Variants in MATN2 observed in about 807,000 individuals in gnomAD.
MATN2 encodes the protein matrilin 2, also known as matrilin-2.
In MATN2, 69 loss-of-function variants were observed where a neutral mutation model predicts 103.2. The observed-to-expected ratio is 0.67, with a 90% CI of 0.55 to 0.82. The LOEUF is 0.82. Ranked by LOEUF, MATN2 falls within the 40% of genes least tolerant of loss-of-function variation. The pLI is 0.00. For synonymous variants in MATN2, 429 were observed against 450.2 expected, an observed-to-expected ratio of 0.95 and a Z score of 0.60; for missense variants, 1,023 against 1,211.5, an observed-to-expected ratio of 0.84 and a Z score of 2.31.
In MATN2 at chr8:98,007,193, C is replaced by T; in HGVS notation, c.1416C>T (p.Gly472=). The change falls in exon 9 of 19, where the codon GGC becomes GGT. Residue 472 remains glycine, a synonymous_variant. Transcript: ENST00000254898. This position sits in a 1 kb window ranked among gnomAD's most constrained non-coding sequence, Gnocchi z 4.2. The stretch of plus-strand genomic sequence containing the variant: ...CCTTCGTCTGCCAGTGCTCAGAAGG[C>T]TTCCTCATCAACGAGGACCTCAAGA... ...EDSFVCQCSE[G]FLINEDLKTC... 6.2e-7 allele frequency: 1 copy of T among 1,613,920 alleles called. No homozygotes were observed. The highest frequency in any genetic ancestry group is 2.2e-5 in the East Asian group (1 of 44,880).
intron 6 of MATN2, among the ~76,000 whole-genome samples, chr8:97,984,528 C>G (rs1354744160): frequency 6.6e-6 from 1 of 152,150 alleles, no homozygotes; most frequent in Non-Finnish European, 1.5e-5. Flanking sequence ...TGTCTGTAAC[C>G]ACAGGATGCT....
chr8:97,952,570 C>A (rs545136198), intron 4 of MATN2, among the ~76,000 whole-genome samples: 10 of 142,100 alleles, frequency 7.0e-5, no homozygotes, highest in Non-Finnish European at 1.2e-4. Flanking sequence ...AAGGCACTTA[C>A]ATCTAGGGTG....
intron 2 of MATN2, among the ~76,000 whole-genome samples, 160 bp downstream of exon 2, chr8:97,888,402 T>C (rs1048355443): frequency 2.6e-4 from 39 of 152,092 alleles, no homozygotes; most frequent in African/African-American, 8.9e-4. Flanking sequence ...GCATCCGGAG[T>C]TGAGCACGTG....
intron 2 of MATN2, among the ~76,000 whole-genome samples, chr8:97,914,537 CTT>C (rs370756107): frequency 1.4e-5 from 2 of 144,404 alleles, no homozygotes; most frequent in Non-Finnish European, 1.5e-5. Flanking sequence ...CACCCGGCTA[CTT>C]TTTTTTTTTT....
intron 5 of MATN2, among the ~76,000 whole-genome samples, chr8:97,967,910 A>G (rs1357846541): frequency 1.3e-5 from 2 of 152,218 alleles, no homozygotes; most frequent in African/African-American, 4.8e-5. Flanking sequence ...GAGTCTCTCT[A>G]TGAGGCTTCA....
intron 4 of MATN2, among the ~76,000 whole-genome samples, chr8:97,951,659 G>A (rs1334694737): frequency 6.6e-6 from 1 of 152,146 alleles, no homozygotes; most frequent in South Asian, 2.1e-4. Flanking sequence ...CCACTCAAAA[G>A]GGGGTTTATA....
intron 6 of MATN2, among the ~76,000 whole-genome samples, chr8:97,988,166 A>AT (rs1586127291): frequency 8.3e-5 from 5 of 60,546 alleles, no homozygotes; most frequent in Non-Finnish European, 1.5e-4. Flanking sequence ...AAAAAAAAAA[A>AT]AAAAAATATA....
At chr8:97,979,718 T>G (rs1443998543) in intron 6 of MATN2, among the ~76,000 whole-genome samples, 1 of 152,204 alleles carries the variant, frequency 6.6e-6, no homozygotes, top group Non-Finnish European at 1.5e-5. Flanking sequence ...AAAGCTTGCT[T>G]GTTAAGTATT....
At chr8:97,954,511 G>A (rs571339820) in intron 4 of MATN2, among the ~76,000 whole-genome samples, 51 of 152,286 alleles carry the variant, frequency 3.3e-4, no homozygotes, top group Non-Finnish European at 5.9e-4. Context: ...TACTCCCACC[G>A]TGGACATTTC....
intron 3 of MATN2, among the ~76,000 whole-genome samples, chr8:97,934,204 G>A (rs531832578): frequency 5.6e-4 from 85 of 152,322 alleles, no homozygotes; most frequent in Middle Eastern, 3.4e-3. Context: ...GGCAGCCTTC[G>A]TAGGAGGAAG....
Position 97,957,069 on chromosome 8 carries a change from G to A in MATN2, c.836-4339G>A, listed in dbSNP as rs144113130. Among the ~76,000 whole-genome samples the A allele has an allele frequency of 2.6e-5, 4 of 152,202 alleles. No individual in the cohort carries two copies. The South Asian group carries it at 6.2e-4, about 24-fold the overall frequency. On this transcript the variant is annotated intron_variant, in intron 4 of 18. Transcript: ENST00000254898. ...CTTCCAATACCATGGGATCAGTGCCGAAATGCTAGAGCGGAGCCATGTCTA... is the reference window on the plus strand; with the variant it reads ...CTTCCAATACCATGGGATCAGTGCCAAAATGCTAGAGCGGAGCCATGTCTA...
intron 1 of MATN2, among the ~76,000 whole-genome samples, chr8:97,886,704 A>G (rs1269362152): frequency 6.6e-6 from 1 of 152,140 alleles, no homozygotes; most frequent in Non-Finnish European, 1.5e-5. Flanking sequence ...TTTGCTGAAC[A>G]AACAGTTCGC....
intron 4 of MATN2, 93 bp downstream of exon 4, chr8:97,941,992 C>A (rs1045251100): frequency 2.8e-6 from 4 of 1,449,514 alleles, no homozygotes; most frequent in East Asian, 2.4e-5. Context: ...ATCTGTGATG[C>A]CTCACCCACC....
At chr8:97,975,042 C>T (rs552608323) in intron 5 of MATN2, among the ~76,000 whole-genome samples, 12 of 152,190 alleles carry the variant, frequency 7.9e-5, no homozygotes, top group Non-Finnish European at 1.3e-4. Flanking sequence ...GAATACATCT[C>T]AGTCAATGGA....
intron 6 of MATN2, among the ~76,000 whole-genome samples, chr8:97,987,132 C>T (rs1812223231): frequency 1.3e-5 from 2 of 152,082 alleles, no homozygotes; most frequent in African/African-American, 2.4e-5. Context: ...TGAGCCACCA[C>T]ACCTGGCCTA....
At chr8:97,978,084 T>C (rs1019579903) in intron 5 of MATN2, among the ~76,000 whole-genome samples, 15 of 152,244 alleles carry the variant, frequency 9.9e-5, no homozygotes, top group Non-Finnish European at 1.6e-4. Flanking sequence ...CCAGCATCAT[T>C]ATCCAAATAT....
chr8:97,896,468 G>A lies in MATN2; in HGVS notation c.142+8226G>A, dbSNP rs145801358. On this transcript the variant is annotated intron_variant, in intron 2 of 18. Transcript: ENST00000254898. ...GAAGTTTTGAGACACAGGGTGGTCA[G>A]TAGGATCAGGCAGGACAACAGGGAT... Among the ~76,000 whole-genome samples, 434 of 152,366 alleles carry A rather than the reference G, an allele frequency of 2.8e-3. 2 individuals carry two copies. The highest frequency in any genetic ancestry group is 0.02 in the Middle Eastern group (6 of 294).
chr8:97,985,806 C>A (rs2130329473), intron 6 of MATN2, among the ~76,000 whole-genome samples: 1 of 152,332 alleles, frequency 6.6e-6, no homozygotes, highest in Non-Finnish European at 1.5e-5. Context: ...TGAGCTCAAG[C>A]AGTCCTTCTG....
At chr8:97,898,245 C>T (rs1818876782) in intron 2 of MATN2, among the ~76,000 whole-genome samples, 1 of 152,082 alleles carries the variant, frequency 6.6e-6, no homozygotes, top group Non-Finnish European at 1.5e-5. Flanking sequence ...CAACCTTACC[C>T]CTAAGGAGCC....
Sources: gnomAD v4.1 joint callset for allele counts (sites outside exome capture counted in the v4.1 genomes callset) on GRCh38, gnomAD v4.1.1 for gene constraint, Gnocchi (gnomAD v3.1) non-coding constraint, MANE v1.5 for transcripts, NCBI Gene and HGNC (gene_info 2026-07-23, HGNC 2026-07-21) for gene names.